The following KLF12 variants were observed in gnomAD, a reference collection of about 807,000 sequenced individuals.
KLF12 encodes the protein KLF transcription factor 12.
In KLF12, 9 loss-of-function variants were observed where a neutral mutation model predicts 37.8. The observed-to-expected ratio is 0.24, with a 90% confidence interval of 0.14 to 0.42. The LOEUF (loss-of-function observed/expected upper bound fraction) is 0.42, where lower values mean the gene tolerates loss of function less well. KLF12 is among the 10% of genes least tolerant of loss of function. The pLI is 1.00. For missense variants in KLF12, 411 were observed against 516.0 expected (o/e 0.80, Z 1.97); for synonymous variants, 208 against 202.1 (o/e 1.03, Z -0.25).
intron 5 of KLF12, 150 bp from the exon 6 acceptor site, chr13:73,765,150 T>C (rs1879828431): frequency 1.7e-6 from 1 of 576,270 alleles, no homozygotes. Flanking sequence ...ATGATGCAAT[T>C]AAATTCCTAC....
At chr13:74,124,572 G>A (rs1219567401) in intron 1 of KLF12, among the ~76,000 whole-genome samples, 1 of 152,196 alleles carries the variant, frequency 6.6e-6, no homozygotes, top group South Asian at 2.1e-4. Context: ...CACATAAAGT[G>A]CATTTAAAGT....
intron 6 of KLF12, among the ~76,000 whole-genome samples, chr13:73,759,923 T>C (rs1879438634): frequency 6.6e-6 from 1 of 152,204 alleles, no homozygotes; most frequent in Non-Finnish European, 1.5e-5. Flanking sequence ...CAAGAAAGAA[T>C]GTTCTCATTT....
chr13:73,947,062 C>T (rs764989900), intron 2 of KLF12, among the ~76,000 whole-genome samples: 1 of 152,174 alleles, frequency 6.6e-6, no homozygotes, highest in Non-Finnish European at 1.5e-5. Context: ...ACATATCTTG[C>T]CATGATCTTA....
chr13:74,208,496 T>C, the KLF12 span, among the ~76,000 whole-genome samples: 20 of 152,330 alleles, frequency 1.3e-4, no homozygotes, highest in African/African-American at 4.6e-4. Context: ...TTAATATTTT[T>C]GGAAATGATA....
chr13:73,900,433 G>A (rs1887987320), intron 3 of KLF12, among the ~76,000 whole-genome samples: 1 of 152,090 alleles, frequency 6.6e-6, no homozygotes, highest in African/African-American at 2.4e-5. Context: ...CATAAAACAT[G>A]AGAATACATC....
At position 73,846,297 on chromosome 13, in the gene KLF12, T is replaced by G. The variant is rs1293776619; in HGVS notation, c.200A>C (p.Glu67Ala). ...GAAGTGATCTACAGATAACGAGTCC[T>G]CCGGGGGCTCCCCTTTCACATTATT... Residue 67 changes from glutamate (E) to alanine (A), a missense_variant, in exon 4 of 8, where the codon GAG becomes GCG. By Grantham distance (107) the Glu-to-Ala change is moderately radical (BLOSUM62 -1). Around this residue, in one of 2 missense-constraint regions of KLF12, gnomAD observed 351 missense variants for 397.8 expected, o/e 0.88. Coordinates refer to ENST00000377669, the MANE Select transcript of KLF12 (RefSeq NM_007249.5). The G allele has an allele frequency of 6.2e-7, 1 of 1,614,016 alleles. No homozygotes were observed. The highest frequency in any genetic ancestry group is 1.7e-5 in the Admixed American group (1 of 60,012).
chr13:73,857,087 G>A (rs1335251669), intron 3 of KLF12, among the ~76,000 whole-genome samples: 1 of 152,178 alleles, frequency 6.6e-6, no homozygotes, highest in African/African-American at 2.4e-5. Flanking sequence ...GGCAGATTTA[G>A]TCATGATTCC....
intron 4 of KLF12, among the ~76,000 whole-genome samples, chr13:73,828,313 A>C (rs1051734077): frequency 6.6e-6 from 1 of 152,220 alleles, no homozygotes; most frequent in Non-Finnish European, 1.5e-5. Context: ...TTTGTCTAAA[A>C]TCTAAGATTC....
intron 3 of KLF12, among the ~76,000 whole-genome samples, chr13:73,920,605 T>TTAGTTCCCCCATTCCCATCCC (rs1389966723): frequency 1.3e-5 from 2 of 152,174 alleles, no homozygotes; most frequent in African/African-American, 4.8e-5. Flanking sequence ...TTTGAGGCTC[T>TTAGTTCCCCCATTCCCATCCC]TAGTTCCCCC....
At chr13:73,825,802 G>A (rs1883805556) in intron 4 of KLF12, among the ~76,000 whole-genome samples, 1 of 152,076 alleles carries the variant, frequency 6.6e-6, no homozygotes, top group African/African-American at 2.4e-5. Context: ...AAGATGCCAG[G>A]TTACCTCCAC....
chr13:74,094,393 T>A (rs963278686), intron 1 of KLF12, among the ~76,000 whole-genome samples: 1 of 152,094 alleles, frequency 6.6e-6, no homozygotes, highest in African/African-American at 2.4e-5. Flanking sequence ...TGGACTTCCA[T>A]AGCACTGTGC....
intron 3 of KLF12, among the ~76,000 whole-genome samples, chr13:73,873,231 A>C (rs1244100145): frequency 6.6e-6 from 1 of 152,132 alleles, no homozygotes; most frequent in African/African-American, 2.4e-5. Context: ...GAATTCAGAG[A>C]AATCACTTAT....
At chr13:73,783,855 G>A (rs1018920556) in intron 5 of KLF12, among the ~76,000 whole-genome samples, 8 of 152,054 alleles carry the variant, frequency 5.3e-5, no homozygotes, top group Non-Finnish European at 1.2e-4. Flanking sequence ...TGTAATGACT[G>A]GCAAACCGGA....
the KLF12 span, among the ~76,000 whole-genome samples, chr13:74,178,208 C>T: frequency 2.0e-4 from 30 of 152,344 alleles, no homozygotes; most frequent in Non-Finnish European, 4.1e-4. Context: ...AAAGGATGTA[C>T]GCTGACTGAT....
At chr13:74,017,420 C>A (rs1892720568) in intron 1 of KLF12, among the ~76,000 whole-genome samples, 1 of 151,328 alleles carries the variant, frequency 6.6e-6, no homozygotes, top group South Asian at 2.1e-4. Flanking sequence ...TTAATCATAT[C>A]TTTAACTCTT....
chr13:74,094,132 C>T (rs1297577058), intron 1 of KLF12, among the ~76,000 whole-genome samples: 1 of 152,018 alleles, frequency 6.6e-6, no homozygotes, highest in Non-Finnish European at 1.5e-5. Flanking sequence ...TATATATAGA[C>T]TAAGCTCATA....
chr13:73,944,560 G>A (rs893287557), intron 2 of KLF12, among the ~76,000 whole-genome samples: 3 of 152,024 alleles, frequency 2.0e-5, no homozygotes, highest in African/African-American at 7.3e-5. Context: ...TTATGTCATG[G>A]CAATTCTGGT....
chr13:74,227,179 G>C, the KLF12 span, among the ~76,000 whole-genome samples: 222 of 152,192 alleles, frequency 1.5e-3, 1 homozygote, highest in Non-Finnish European at 9.1e-4. Context: ...CTGTGACAGT[G>C]CTTTTGTTCC....
intron 6 of KLF12, among the ~76,000 whole-genome samples, chr13:73,747,146 C>T (rs1346304161): frequency 1.3e-5 from 2 of 152,042 alleles, no homozygotes; most frequent in Non-Finnish European, 2.9e-5. Context: ...CAAATATTTA[C>T]TGAGTGTCTA....
Sources: allele counts gnomAD v4.1 joint callset (sites outside exome capture counted in the v4.1 genomes callset), GRCh38; gene constraint gnomAD v4.1.1; regional missense constraint gnomAD v4.1.1; transcripts MANE v1.5; gene names NCBI Gene and HGNC (gene_info 2026-07-23, HGNC 2026-07-21).